Variants in STK3 observed in about 807,000 individuals in gnomAD.
STK3 encodes the protein serine/threonine kinase 3, also known as serine/threonine-protein kinase 3.
Under a neutral mutation model 58.0 loss-of-function variants are expected in STK3, and 41 were observed. The ratio of observed to expected loss-of-function variants is 0.71; its 90% confidence interval spans 0.55 to 0.92. STK3 has a LOEUF of 0.92. STK3 is among the 40% of genes least tolerant of loss of function. The probability of loss-of-function intolerance (pLI) is 0.00; values close to 1 mark genes in which losing one functional copy is unlikely to be tolerated. For missense variants in STK3, 479 were observed against 602.7 expected (o/e 0.79, Z 2.15); for synonymous variants, 170 against 191.0 (o/e 0.89, Z 0.91).
At chr8:98,389,282 GTA>G (rs1180813633), upstream of STK3, among the ~76,000 whole-genome samples, 2 of 152,030 alleles carry the variant, frequency 1.3e-5, no homozygotes, top group African/African-American at 4.8e-5. Context: ...CATATTGTCT[GTA>G]ATGCTCACTT....
At chr8:98,568,070 T>C (rs1386185090) in intron 8 of STK3, among the ~76,000 whole-genome samples, 1 of 124,010 alleles carries the variant, frequency 8.1e-6, no homozygotes, top group Non-Finnish European at 1.9e-5. Context: ...AGATGATAGA[T>C]AGATAGATAG....
intron 6 of STK3, among the ~76,000 whole-genome samples, chr8:98,705,024 T>G (rs913845547): frequency 6.6e-6 from 1 of 152,242 alleles, no homozygotes; most frequent in Non-Finnish European, 1.5e-5. Flanking sequence ...ATGCTGACCT[T>G]GTTGTTTTTC....
chr8:98,431,000 T>C (rs946962200), intron 3 of STK3: 2 of 167,108 alleles, frequency 1.2e-5, no homozygotes, highest in Non-Finnish European at 2.9e-5. Flanking sequence ...TAAGGTAATC[T>C]GATGGTTTTC....
At chr8:98,759,620 A>G (rs1830500087) in intron 3 of STK3, among the ~76,000 whole-genome samples, 1 of 152,186 alleles carries the variant, frequency 6.6e-6, no homozygotes, top group Admixed American at 6.5e-5. Flanking sequence ...TGCTCAGTAC[A>G]GTTGCCACAA....
intron 6 of STK3, among the ~76,000 whole-genome samples, chr8:98,672,019 G>A (rs1357418913): frequency 6.6e-6 from 1 of 152,124 alleles, no homozygotes; most frequent in Non-Finnish European, 1.5e-5. Flanking sequence ...ATGATTATAA[G>A]TTTCCTCAGG....
chr8:98,401,984 T>A (rs981342836), intron 3 of STK3, among the ~76,000 whole-genome samples: 3 of 152,094 alleles, frequency 2.0e-5, no homozygotes, highest in Non-Finnish European at 4.4e-5. Context: ...TACCCCCAAA[T>A]CCCACTACAC....
rs529996195 is a variant in STK3 at position 98,765,202 on chromosome 8, C to T, written c.236+2041G>A. Among the ~76,000 whole-genome samples, 291 of 152,252 alleles carry T rather than the reference C, an allele frequency of 1.9e-3. 4 individuals carry two copies. The highest frequency in any genetic ancestry group is 5.0e-3 in the Admixed American group (76 of 15,296). On this transcript the variant is annotated intron_variant, in intron 3 of 10. Coordinates refer to ENST00000419617, the MANE Select transcript of STK3 (RefSeq NM_006281.4). ...GCAAGTATAAAGCATACCTGGTGGC[C>T]GAGCACTATGCTATCTCATCTCTTA...
chr8:98,612,728 A>G (rs550329287), intron 6 of STK3, among the ~76,000 whole-genome samples: 20 of 152,260 alleles, frequency 1.3e-4, no homozygotes, highest in African/African-American at 3.4e-4. Flanking sequence ...ATTTCACTCT[A>G]TGTCAGCCAA....
At chr8:98,878,272 C>T (rs1010492211) in intron 3 of STK3, among the ~76,000 whole-genome samples, 21 of 152,024 alleles carry the variant, frequency 1.4e-4, no homozygotes, top group Non-Finnish European at 1.9e-4. Flanking sequence ...AGGCTGGTCT[C>T]GAACTCCTGG....
the STK3 span, among the ~76,000 whole-genome samples, chr8:98,347,112 T>C: frequency 1.9e-4 from 29 of 151,954 alleles, no homozygotes; most frequent in Admixed American, 7.2e-4. Flanking sequence ...AGGTAGAATG[T>C]AAAATGTTAG....
intron 6 of STK3, among the ~76,000 whole-genome samples, chr8:98,614,446 G>T (rs756859092): frequency 2.0e-5 from 3 of 151,996 alleles, no homozygotes; most frequent in Non-Finnish European, 2.9e-5. Flanking sequence ...TGTCTCGATC[G>T]GGGGAGGAGC....
intron 1 of STK3, among the ~76,000 whole-genome samples, chr8:98,903,287 C>T (rs772974225): frequency 2.0e-5 from 3 of 152,084 alleles, no homozygotes; most frequent in Non-Finnish European, 4.4e-5. Context: ...CCCAAGTTAT[C>T]CTGATGAAAA....
At chr8:98,832,242 G>A (rs1035975056) in intron 3 of STK3, among the ~76,000 whole-genome samples, 2 of 117,028 alleles carry the variant, frequency 1.7e-5, no homozygotes, top group African/African-American at 3.1e-5. Context: ...CCTCCTTTTC[G>A]TGAAAAAAAA....
chr8:98,574,855 G>T (rs1244832966), intron 8 of STK3, among the ~76,000 whole-genome samples: 6 of 152,150 alleles, frequency 3.9e-5, no homozygotes, highest in Admixed American at 3.9e-4. Flanking sequence ...GGTAGGAATA[G>T]AACTTAGTTT....
intron 2 of STK3, among the ~76,000 whole-genome samples, chr8:98,375,662 C>A (rs1817667252): frequency 1.3e-5 from 2 of 152,076 alleles, no homozygotes; most frequent in African/African-American, 4.8e-5. Flanking sequence ...GTACTATGTA[C>A]CCTTTTGCAA....
Position 98,619,473 on chromosome 8 carries a change from A to G in STK3, c.685-23304T>C, listed in dbSNP as rs1179263502. On this transcript the variant is annotated intron_variant, in intron 6 of 10. Transcript: ENST00000419617. ...AGCCAAAATTGACAAATGGGATCTA[A>G]TTAAACTAAAGAGCTTCTGCACAGC... is the stretch of plus-strand genomic sequence containing the variant. Among the ~76,000 whole-genome samples, 75 of 145,028 alleles carry G rather than the reference A, an allele frequency of 5.2e-4. 1 individual carries two copies. The highest frequency in any genetic ancestry group is 1.9e-3 in the African/African-American group (74 of 38,326).
intron 1 of STK3, among the ~76,000 whole-genome samples, chr8:98,933,946 G>A (rs559086569): frequency 2.2e-4 from 33 of 152,340 alleles, no homozygotes; most frequent in African/African-American, 7.0e-4. Flanking sequence ...TGGTAATTAA[G>A]TCTCTCCACA....
At chr8:98,676,344 G>A (rs894269981) in intron 6 of STK3, among the ~76,000 whole-genome samples, 2 of 152,160 alleles carry the variant, frequency 1.3e-5, no homozygotes, top group Non-Finnish European at 2.9e-5. Context: ...GTTAAATGGG[G>A]CGGGGCGCGG....
intron 3 of STK3, among the ~76,000 whole-genome samples, chr8:98,766,491 A>T (rs1045412626): frequency 3.9e-5 from 6 of 152,186 alleles, no homozygotes; most frequent in Non-Finnish European, 8.8e-5. Flanking sequence ...AATCATAGCT[A>T]ACTGTGGCCC....
Sources: gnomAD v4.1 joint callset for allele counts (sites outside exome capture counted in the v4.1 genomes callset) on GRCh38, gnomAD v4.1.1 for gene constraint, MANE v1.5 for transcripts, NCBI Gene and HGNC (gene_info 2026-07-23, HGNC 2026-07-21) for gene names.